Variants in DNAJC1 observed in about 807,000 individuals in gnomAD.
The protein encoded by DNAJC1 is dnaJ homolog subfamily C member 1.
Under a neutral mutation model 76.6 loss-of-function variants are expected in DNAJC1, and 58 were observed. The ratio of observed to expected loss-of-function variants is 0.76; its 90% CI spans 0.61 to 0.94. The LOEUF is 0.94. DNAJC1 is among the 40% of genes least tolerant of loss of function. The probability of loss-of-function intolerance (pLI) is 0.00; values close to 1 mark genes in which losing one functional copy is unlikely to be tolerated. For missense variants in DNAJC1, 689 were observed against 677.3 expected (o/e 1.02, Z -0.19); for synonymous variants, 258 against 267.9 (o/e 0.96, Z 0.36).
intron 8 of DNAJC1, among the ~76,000 whole-genome samples, chr10:21,875,885 G>C (rs1351356115): frequency 1.3e-5 from 2 of 152,002 alleles, no homozygotes; most frequent in African/African-American, 4.8e-5. Context: ...AGATCATGCT[G>C]TTGCACTTCA....
At chr10:21,827,239 C>A (rs896448698) in intron 8 of DNAJC1, among the ~76,000 whole-genome samples, 1 of 152,106 alleles carries the variant, frequency 6.6e-6, no homozygotes, top group Non-Finnish European at 1.5e-5. Context: ...TTCCTCCCTC[C>A]CCAGTGTCTG....
intron 8 of DNAJC1, among the ~76,000 whole-genome samples, chr10:21,830,502 AGTTTT>A (rs2131667549): frequency 6.6e-6 from 1 of 152,190 alleles, no homozygotes; most frequent in South Asian, 2.1e-4. Context: ...CTCTGTGGTT[AGTTTT>A]AAGATTTTCT....
At chr10:21,985,844 G>C (rs1838237342) in intron 1 of DNAJC1, among the ~76,000 whole-genome samples, 1 of 152,118 alleles carries the variant, frequency 6.6e-6, no homozygotes. Flanking sequence ...TCATGTACAA[G>C]TCTTTGTGTG....
intron 8 of DNAJC1, among the ~76,000 whole-genome samples, chr10:21,819,911 T>G (rs151052698): frequency 0.015 from 2,312 of 152,278 alleles, 39 homozygotes; most frequent in South Asian, 0.065. Flanking sequence ...GCCTGGGCAA[T>G]GGAGCAAGAC....
intron 1 of DNAJC1, among the ~76,000 whole-genome samples, chr10:21,976,477 A>G (rs1352625925): frequency 6.6e-6 from 1 of 152,148 alleles, no homozygotes; most frequent in Non-Finnish European, 1.5e-5. Context: ...ACATCATCCC[A>G]CTGTCATCTG....
chr10:21,885,169 G>GA (rs757992295), intron 7 of DNAJC1, among the ~76,000 whole-genome samples: 72 of 151,898 alleles, frequency 4.7e-4, no homozygotes, highest in Non-Finnish European at 1.6e-4. Flanking sequence ...GAAATGAAGG[G>GA]AAAACTACCA....
Position 21,850,504 on chromosome 10 carries a change from T to C in DNAJC1, c.978+31778A>G, listed in dbSNP as rs1333112303. On this transcript the variant is annotated intron_variant, in intron 8 of 11. Transcript: ENST00000376980. ...GGAACGACATCCCATGTTCATGTATTGGAATACTTAATATTTAAATTTTCT... is the reference window on the plus strand; with the variant it reads ...GGAACGACATCCCATGTTCATGTATCGGAATACTTAATATTTAAATTTTCT... Among the ~76,000 whole-genome samples, 7 of 151,764 alleles carry C rather than the reference T, an allele frequency of 4.6e-5. No homozygotes were observed. In the East Asian group the frequency reaches 1.3e-3, roughly 29 times the overall value.
Position 21,960,169 on chromosome 10 carries a change from A to G in DNAJC1, c.223-31028T>C, listed in dbSNP as rs569902362. On this transcript the variant is annotated intron_variant, in intron 1 of 11. Coordinates refer to ENST00000376980, the MANE Select transcript of DNAJC1 (RefSeq NM_022365.4). ...AAACAGATGCAGTTAAAAGCCTCCA[A>G]TGGTTTTCCATTTTACTCAGATCAA... 7.9e-5 allele frequency among the ~76,000 whole-genome samples: 12 copies of G among 152,322 alleles called. No homozygotes were observed. The East Asian group carries it at 1.7e-3, about 22-fold the overall frequency.
intron 8 of DNAJC1, among the ~76,000 whole-genome samples, chr10:21,864,202 T>C (rs894251710): frequency 6.6e-6 from 1 of 151,514 alleles, no homozygotes; most frequent in African/African-American, 2.4e-5. Context: ...CCAGCCTCAG[T>C]GACCCAGTGA....
In DNAJC1 at chr10:21,850,693, C is replaced by T. The variant is rs755835968; in HGVS notation, c.978+31589G>A. 1.5e-3 allele frequency among the ~76,000 whole-genome samples: 233 copies of T among 152,094 alleles called. 1 individual carries two copies. In the Middle Eastern group the frequency reaches 0.024, roughly 16 times the overall value. On this transcript the variant is annotated intron_variant, in intron 8 of 11. Coordinates refer to ENST00000376980, the MANE Select transcript of DNAJC1 (RefSeq NM_022365.4). Reference sequence around the variant, plus strand: ...ATTCCATGCTAAAATTAATTAAAATCTCAAGGAACCCTAAATAGCCAAAAT... The same window carrying T: ...ATTCCATGCTAAAATTAATTAAAATTTCAAGGAACCCTAAATAGCCAAAAT...
intron 1 of DNAJC1, among the ~76,000 whole-genome samples, chr10:21,997,470 G>C (rs1590086077): frequency 1.3e-5 from 2 of 152,322 alleles, no homozygotes; most frequent in Middle Eastern, 6.8e-3. Flanking sequence ...GAGGTGCAAA[G>C]AGACTGATTC....
chr10:21,835,490 G>A (rs1031697225), intron 8 of DNAJC1, among the ~76,000 whole-genome samples: 22 of 152,338 alleles, frequency 1.4e-4, no homozygotes, highest in Non-Finnish European at 2.2e-4. Context: ...TGACTTTGAT[G>A]AGTTGAGAGA....
chr10:21,980,486 A>G (rs1316221145), intron 1 of DNAJC1, among the ~76,000 whole-genome samples: 1 of 152,152 alleles, frequency 6.6e-6, no homozygotes, highest in Non-Finnish European at 1.5e-5. Context: ...ACTTTAAAAT[A>G]TAACTGTCCA....
chr10:21,918,172 G>A (rs766311740), intron 6 of DNAJC1, among the ~76,000 whole-genome samples: 42 of 151,754 alleles, frequency 2.8e-4, no homozygotes, highest in Non-Finnish European at 4.9e-4. Flanking sequence ...AATAAAATAT[G>A]CTTTGGTATA....
intron 8 of DNAJC1, among the ~76,000 whole-genome samples, chr10:21,874,937 G>A (rs1410091931): frequency 6.6e-6 from 1 of 152,140 alleles, no homozygotes. Context: ...CTCAAGAGCA[G>A]TGGTGTGATC....
At chr10:21,992,468 G>A (rs969526491) in intron 1 of DNAJC1, among the ~76,000 whole-genome samples, 8 of 152,084 alleles carry the variant, frequency 5.3e-5, no homozygotes, top group Middle Eastern at 3.4e-3. Flanking sequence ...CAGGAGAATC[G>A]CTTGAACCCA....
At chr10:21,807,834 T>C (rs971227176) in intron 8 of DNAJC1, among the ~76,000 whole-genome samples, 6 of 152,180 alleles carry the variant, frequency 3.9e-5, no homozygotes, top group Non-Finnish European at 8.8e-5. Flanking sequence ...ATATCAGAAA[T>C]CCAATTCTTC....
At chr10:21,836,952 T>C (rs1381017500) in intron 8 of DNAJC1, among the ~76,000 whole-genome samples, 1 of 152,208 alleles carries the variant, frequency 6.6e-6, no homozygotes, top group Non-Finnish European at 1.5e-5. Flanking sequence ...GGTCTCCCTC[T>C]GATGCCGAGC....
intron 9 of DNAJC1, among the ~76,000 whole-genome samples, chr10:21,786,471 G>GAA (rs1260142538): frequency 1.5e-5 from 2 of 135,078 alleles, no homozygotes; most frequent in Middle Eastern, 3.4e-3. Flanking sequence ...TATAGAGAGA[G>GAA]AGAGAGAGAG....
Sources: gnomAD v4.1 joint callset for allele counts (sites outside exome capture counted in the v4.1 genomes callset) on GRCh38, gnomAD v4.1.1 for gene constraint, MANE v1.5 for transcripts, NCBI Gene and HGNC (gene_info 2026-07-23, HGNC 2026-07-21) for gene names.